Variants in PTPRZ1 observed in about 807,000 individuals in gnomAD.
The protein encoded by PTPRZ1 is receptor-type tyrosine-protein phosphatase zeta.
PTPRZ1 carries 82 observed loss-of-function variants against 214.1 expected under a neutral mutation model. The ratio of observed to expected loss-of-function variants is 0.38; its 90% CI spans 0.32 to 0.46. The LOEUF is 0.46. PTPRZ1 is among the 20% of genes least tolerant of loss of function. The pLI is 1.00. For missense variants in PTPRZ1, 2,603 were observed against 2,748.7 expected, an observed-to-expected ratio of 0.95 and a Z score of 1.19; for synonymous variants, 945 against 987.9, an observed-to-expected ratio of 0.96 and a Z score of 0.81.
At chr7:121,989,500 A>C (rs888447438) in intron 8 of PTPRZ1, among the ~76,000 whole-genome samples, 1 of 149,796 alleles carries the variant, frequency 6.7e-6, no homozygotes, top group Admixed American at 6.8e-5. Flanking sequence ...TCAGCCTCCC[A>C]AGTAGCTGAG....
At chr7:122,044,721 C>T (rs528969485) in intron 23 of PTPRZ1, among the ~76,000 whole-genome samples, 153 bp downstream of exon 23, 1 of 152,122 alleles carries the variant, frequency 6.6e-6, no homozygotes, top group South Asian at 2.1e-4. Context: ...GGCTACAGTG[C>T]CACATGGTAA....
intron 1 of PTPRZ1, among the ~76,000 whole-genome samples, chr7:121,896,067 A>C (rs892879305): frequency 4.6e-5 from 7 of 152,200 alleles, no homozygotes; most frequent in African/African-American, 1.4e-4. Flanking sequence ...AACGTAATTT[A>C]TGCTGGACTT....
chr7:121,959,271 G>T (rs1268989561), intron 2 of PTPRZ1, among the ~76,000 whole-genome samples: 1 of 152,172 alleles, frequency 6.6e-6, no homozygotes, highest in African/African-American at 2.4e-5. Flanking sequence ...TTGCTGTCCT[G>T]ATGTGATTGT....
At chr7:121,933,933 T>C (rs1033275670) in intron 2 of PTPRZ1, among the ~76,000 whole-genome samples, 2 of 152,182 alleles carry the variant, frequency 1.3e-5, no homozygotes, top group Non-Finnish European at 2.9e-5. Flanking sequence ...ACTGTTCCTT[T>C]CTAATTTCCA....
At chr7:121,881,427 T>C (rs574111675) in intron 1 of PTPRZ1, among the ~76,000 whole-genome samples, 2 of 152,312 alleles carry the variant, frequency 1.3e-5, no homozygotes, top group African/African-American at 2.4e-5. Context: ...CTTCATAATG[T>C]ATGGGTGCTG....
chr7:121,983,525 T>TA (rs1797677286), intron 6 of PTPRZ1, 140 bp from the exon 7 acceptor site: 10 of 847,904 alleles, frequency 1.2e-5, no homozygotes, highest in Non-Finnish European at 1.8e-5. Context: ...TATTACCATT[T>TA]AAAAATATAT....
chr7:121,942,208 C>T (rs960245438), intron 2 of PTPRZ1, among the ~76,000 whole-genome samples: 1 of 152,182 alleles, frequency 6.6e-6, no homozygotes, highest in African/African-American at 2.4e-5. Context: ...AGGGGTCACC[C>T]ACCCCTGAAA....
intron 13 of PTPRZ1, among the ~76,000 whole-genome samples, chr7:122,024,143 T>A (rs1344015331): frequency 6.6e-6 from 1 of 152,022 alleles, no homozygotes; most frequent in African/African-American, 2.4e-5. Context: ...ATAATATGCC[T>A]TGAAATCATT....
chr7:121,907,428 A>C (rs1045784847), intron 1 of PTPRZ1, among the ~76,000 whole-genome samples: 2 of 152,016 alleles, frequency 1.3e-5, no homozygotes, highest in South Asian at 4.1e-4. Context: ...GAAAACCATA[A>C]GACACATTTT....
chr7:121,993,572 C>CAAAAAAAAA (rs66916301), intron 8 of PTPRZ1, among the ~76,000 whole-genome samples: 3 of 73,590 alleles, frequency 4.1e-5, no homozygotes, highest in Admixed American at 1.7e-4. Flanking sequence ...GAGACTGTCT[C>CAAAAAAAAA]AAAAAAAAAA....
intron 3 of PTPRZ1, among the ~76,000 whole-genome samples, chr7:121,971,657 A>G (rs574802230): frequency 8.2e-4 from 125 of 152,306 alleles, no homozygotes; most frequent in Non-Finnish European, 9.7e-4. Context: ...TGGATAATAT[A>G]TGTAAAGTAA....
Position 122,013,650 on chromosome 7 carries a change from C to T in PTPRZ1, c.4604C>T (p.Pro1535Leu). Residue 1535 changes from proline (P) to leucine (L), a missense_variant, in exon 12 of 30, where the codon CCT (proline) becomes CTT (leucine). Pro to Leu is a moderately conservative substitution (Grantham distance 98, BLOSUM62 -3). Around this residue, in one of 6 missense-constraint regions of PTPRZ1, gnomAD observed 1,913 missense variants for 1,914.3 expected, o/e 1.00. Coordinates refer to ENST00000393386, the MANE Select transcript of PTPRZ1 (RefSeq NM_002851.3). ...QTGSALLPLS[P>L]ESKAWAVLTS... is the part of the protein sequence containing the mutation. ...GGTAGTGCTCTGCTTCCTCTCAGCC[C>T]TGAATCTAAAGCATGGGCAGTTCTG... 6.2e-7 allele frequency: 1 copy of T among 1,614,200 alleles called. No individual in the cohort carries two copies. The highest frequency in any genetic ancestry group is 1.3e-5 in the African/African-American group (1 of 75,058).
chr7:122,051,406 A>T (rs1396020207), intron 23 of PTPRZ1, 22 bp from the exon 24 acceptor site: 1 of 1,583,412 alleles, frequency 6.3e-7, no homozygotes, highest in East Asian at 2.2e-5. Flanking sequence ...TAACCTATAT[A>T]TTTTTTTACT....
intron 13 of PTPRZ1, among the ~76,000 whole-genome samples, chr7:122,024,947 C>T (rs1427773432): frequency 2.0e-5 from 3 of 152,194 alleles, no homozygotes; most frequent in African/African-American, 7.2e-5. Flanking sequence ...CTTATCTCTC[C>T]TTCCAAAATG....
rs917537876 is a variant in PTPRZ1 at position 122,060,980 on chromosome 7, A to G, written c.6808-100A>G. ...AGTGCCCTTAACACATTGCCCTTTC[A>G]TGAACAGTGCTGAAGTGTGTCTAAA... On this transcript the variant is annotated intron_variant, in intron 29 of 29. Coordinates refer to ENST00000393386, the MANE Select transcript of PTPRZ1 (RefSeq NM_002851.3). 8.5e-5 allele frequency: 101 copies of G among 1,194,610 alleles called. 1 individual carries two copies. The highest frequency in any genetic ancestry group is 1.0e-4 in the Non-Finnish European group (90 of 887,792). 74.0% of individuals were successfully genotyped at this position (1,194,610 alleles called of 1,614,324 possible).
chr7:122,025,703 G>A (rs922497213), intron 13 of PTPRZ1, among the ~76,000 whole-genome samples: 5 of 152,148 alleles, frequency 3.3e-5, no homozygotes, highest in African/African-American at 1.2e-4. Flanking sequence ...AAGCTGTGGT[G>A]CTAAAGGCTG....
At chr7:121,921,666 A>C (rs1795601128) in intron 1 of PTPRZ1, among the ~76,000 whole-genome samples, 1 of 152,124 alleles carries the variant, frequency 6.6e-6, no homozygotes, top group African/African-American at 2.4e-5. Context: ...GTTTCTATTT[A>C]AGTTTTGAGA....
chr7:122,012,065 T>G lies in PTPRZ1; in HGVS notation c.3019T>G (p.Leu1007Val). The change falls in exon 12 of 30, where the codon TTA becomes GTA. Residue 1007 changes from leucine (L) to valine (V), a missense_variant. Transcript: ENST00000393386. ...AGCCTCTTCTGATAGTGAATTTCTT[T>G]TACCTGACACAGATGGGCTGACAGC... ...SGASSDSEFLLPDTDGLTALN... is the reference protein window; with the variant it reads ...SGASSDSEFLVPDTDGLTALN... 1 of 1,614,256 alleles carries G rather than the reference T, an allele frequency of 6.2e-7. No homozygotes were observed. The highest frequency in any genetic ancestry group is 1.3e-5 in the African/African-American group (1 of 75,068).
Position 122,011,661 on chromosome 7 carries a change from G to T in PTPRZ1, c.2615G>T (p.Ser872Ile). ...VAGGDLLLEPSLAQYSDVLST... is the reference protein window; with the variant it reads ...VAGGDLLLEPILAQYSDVLST... ...GGGGGTGATTTGCTATTAGAGCCCA[G>T]CCTTGCTCAGTATTCTGATGTGCTG... The change falls in exon 12 of 30, where the codon AGC (serine) becomes ATC (isoleucine). Residue 872 changes from serine (S) to isoleucine (I), a missense_variant. Coordinates refer to ENST00000393386, the MANE Select transcript of PTPRZ1 (RefSeq NM_002851.3). The T allele has an allele frequency of 6.2e-7, 1 of 1,614,072 alleles. No homozygotes were observed. The highest frequency in any genetic ancestry group is 2.2e-5 in the East Asian group (1 of 44,870).
Sources: allele counts gnomAD v4.1 joint callset (sites outside exome capture counted in the v4.1 genomes callset), GRCh38; gene constraint gnomAD v4.1.1; regional missense constraint gnomAD v4.1.1; transcripts MANE v1.5; gene names NCBI Gene and HGNC (gene_info 2026-07-23, HGNC 2026-07-21).